SYNDIG1: variants seen among roughly 807,000 people sequenced by gnomAD.
SYNDIG1 encodes synapse differentiation-inducing gene protein 1.
In SYNDIG1, 9 loss-of-function variants were observed where a neutral mutation model predicts 19.4. The ratio of observed to expected loss-of-function variants is 0.46; its 90% CI spans 0.28 to 0.81. The LOEUF (loss-of-function observed/expected upper bound fraction) is 0.81. Among genes scored for constraint, SYNDIG1 ranks in the 30% least tolerant of loss-of-function variants. SYNDIG1 has a pLI of 0.12. For missense variants in SYNDIG1, 311 were observed against 343.3 expected, an observed-to-expected ratio of 0.91 and a Z score of 0.74; for synonymous variants, 141 against 145.9, an observed-to-expected ratio of 0.97 and a Z score of 0.24.
chr20:24,593,027 G>A (rs1420605086), intron 3 of SYNDIG1, among the ~76,000 whole-genome samples: 2 of 152,116 alleles, frequency 1.3e-5, no homozygotes, highest in African/African-American at 2.4e-5. Context: ...TCAGCTCAAC[G>A]TCCACACTCT....
chr20:24,638,370 G>C (rs2059336705), intron 3 of SYNDIG1, among the ~76,000 whole-genome samples: 1 of 152,144 alleles, frequency 6.6e-6, no homozygotes, highest in Middle Eastern at 3.2e-3. Context: ...TTTGGAGACT[G>C]TCTCCAGAGG....
At chr20:24,625,384 A>ATT (rs35759862) in intron 3 of SYNDIG1, among the ~76,000 whole-genome samples, 21,416 of 115,134 alleles carry the variant, frequency 0.19, 2,263 homozygotes, top group African/African-American at 0.24. Context: ...TGCCTGGGAC[A>ATT]TTTTTTTTTT....
At chr20:24,536,074 A>C (rs1036414062) in intron 1 of SYNDIG1, among the ~76,000 whole-genome samples, 1 of 152,192 alleles carries the variant, frequency 6.6e-6, no homozygotes. Flanking sequence ...ATGCATCATC[A>C]GAACTGCAAG....
At chr20:24,564,508 C>T (rs542682946) in intron 2 of SYNDIG1, among the ~76,000 whole-genome samples, 18 of 152,198 alleles carry the variant, frequency 1.2e-4, no homozygotes, top group African/African-American at 3.9e-4. Context: ...GGCCATGAGG[C>T]TGTAGTGATT....
intron 3 of SYNDIG1, among the ~76,000 whole-genome samples, chr20:24,601,010 T>C (rs1013593774): frequency 6.6e-6 from 1 of 152,216 alleles, no homozygotes; most frequent in African/African-American, 2.4e-5. Flanking sequence ...AACATTTCAC[T>C]GTTAAGTAGG....
chr20:24,483,924 C>T (rs972428501), intron 1 of SYNDIG1, among the ~76,000 whole-genome samples: 12 of 152,076 alleles, frequency 7.9e-5, no homozygotes, highest in East Asian at 1.9e-4. Flanking sequence ...ACTCGGAATG[C>T]GAAAGAGTGA....
intron 3 of SYNDIG1, among the ~76,000 whole-genome samples, chr20:24,628,956 C>A (rs1179741937): frequency 6.6e-6 from 1 of 152,220 alleles, no homozygotes; most frequent in Non-Finnish European, 1.5e-5. Flanking sequence ...GATCTAGACC[C>A]TGAAAGGCAG....
At chr20:24,660,263 C>T (rs62215329) in intron 3 of SYNDIG1, among the ~76,000 whole-genome samples, 11,303 of 152,174 alleles carry the variant, frequency 0.074, 460 homozygotes, top group Non-Finnish European at 0.089. Context: ...CACTCATTTA[C>T]GGGAGTGGAA....
At chr20:24,624,829 T>C (rs1461823765) in intron 3 of SYNDIG1, among the ~76,000 whole-genome samples, 1 of 151,834 alleles carries the variant, frequency 6.6e-6, no homozygotes, top group Non-Finnish European at 1.5e-5. Flanking sequence ...TTAAAAACAG[T>C]AGAGAAAATA....
intron 2 of SYNDIG1, among the ~76,000 whole-genome samples, chr20:24,568,019 T>A (rs1429067204): frequency 6.6e-6 from 1 of 152,036 alleles, no homozygotes; most frequent in Non-Finnish European, 1.5e-5. Context: ...CAGGTGCCTG[T>A]AATCCCAGCT....
chr20:24,630,249 G>A (rs1047612483), intron 3 of SYNDIG1, among the ~76,000 whole-genome samples: 4 of 152,220 alleles, frequency 2.6e-5, no homozygotes, highest in Admixed American at 6.5e-5. Context: ...CACACTCACA[G>A]GAGTGGTCCG....
intron 3 of SYNDIG1, among the ~76,000 whole-genome samples, chr20:24,610,807 T>C (rs144813431): frequency 1.3e-5 from 2 of 152,282 alleles, no homozygotes; most frequent in Non-Finnish European, 2.9e-5. Flanking sequence ...AAGTGTTCTT[T>C]GCTTGGTGCT....
chr20:24,592,936 A>G (rs923168269), intron 3 of SYNDIG1, among the ~76,000 whole-genome samples: 8 of 152,180 alleles, frequency 5.3e-5, no homozygotes, highest in South Asian at 4.1e-4. Context: ...ATATGGAAAG[A>G]ACAAGTTGAT....
intron 3 of SYNDIG1, among the ~76,000 whole-genome samples, chr20:24,630,395 AT>A (rs776024078): frequency 2.6e-5 from 4 of 152,206 alleles, no homozygotes; most frequent in Non-Finnish European, 4.4e-5. Flanking sequence ...ATAAACATGT[AT>A]TTCCCTCCTT....
intron 3 of SYNDIG1, among the ~76,000 whole-genome samples, chr20:24,624,180 C>T (rs955279527): frequency 2.7e-5 from 4 of 146,368 alleles, no homozygotes; most frequent in Non-Finnish European, 5.9e-5. Flanking sequence ...GGCATGAACC[C>T]GGGAGGTGGA....
At chr20:24,621,607 C>T (rs1302840901) in intron 3 of SYNDIG1, among the ~76,000 whole-genome samples, 2 of 152,038 alleles carry the variant, frequency 1.3e-5, no homozygotes, top group East Asian at 1.9e-4. Context: ...AAAACTCTAC[C>T]CTGGGAAGGG....
rs568135272 is a variant in SYNDIG1, at chr20:24,486,893, G to A, written c.-79+17140G>A. On this transcript the variant is annotated intron_variant, in intron 1 of 3. Coordinates refer to ENST00000376862, the MANE Select transcript of SYNDIG1 (RefSeq NM_024893.3). ...AGGATGGTCTCGATCTCCTGACCTC[G>A]TGATCCACCTGCCTCGGCCTCCCAA... Among the ~76,000 whole-genome samples the A allele has an allele frequency of 2.9e-3, 435 of 152,178 alleles. 3 individuals carry two copies. The highest frequency in any genetic ancestry group is 9.9e-3 in the African/African-American group (413 of 41,520).
At position 24,505,651 on chromosome 20, in the gene SYNDIG1, C is replaced by T. The variant is rs143546021; in HGVS notation, c.-79+35898C>T. Among the ~76,000 whole-genome samples, 11 of 152,342 alleles carry T rather than the reference C, an allele frequency of 7.2e-5. No individual in the cohort carries two copies. In the East Asian group the frequency reaches 7.7e-4, roughly 11 times the overall value. On this transcript the variant is annotated intron_variant, in intron 1 of 3. Coordinates refer to ENST00000376862, the MANE Select transcript of SYNDIG1 (RefSeq NM_024893.3). ...TTGCTGTCTTCATGTTTACTCCACT[C>T]GCCCAGGTCAGCTGTTTATGCTGTC...
intron 1 of SYNDIG1, among the ~76,000 whole-genome samples, chr20:24,505,100 A>G (rs1275350694): frequency 6.6e-6 from 1 of 152,098 alleles, no homozygotes; most frequent in Non-Finnish European, 1.5e-5. Context: ...GTGGGTGAGG[A>G]GCCAGCAGAG....
Sources: allele counts gnomAD v4.1 joint callset (sites outside exome capture counted in the v4.1 genomes callset), GRCh38; gene constraint gnomAD v4.1.1; transcripts MANE v1.5; gene names NCBI Gene and HGNC (gene_info 2026-07-23, HGNC 2026-07-21).